The following CSTF3 variants were observed in gnomAD, a reference collection of about 807,000 sequenced individuals.
CSTF3 encodes the protein cleavage stimulation factor subunit 3.
CSTF3 carries 29 observed loss-of-function variants against 105.8 expected under a neutral mutation model. That is an observed-to-expected ratio of 0.27 (90% CI 0.20 to 0.37). The LOEUF is 0.37. Among genes scored for constraint, CSTF3 ranks in the 10% least tolerant of loss-of-function variants. The pLI, the probability that CSTF3 is intolerant of heterozygous loss-of-function variation, is 1.00. For synonymous variants in CSTF3, 252 were observed against 281.9 expected (o/e 0.89, Z 1.06); for missense variants, 357 against 879.3 (o/e 0.41, Z 7.51).
chr11:33,085,133 G>A lies in CSTF3; in HGVS notation c.2108C>T (p.Pro703Leu). 6.2e-7 allele frequency: 1 copy of A among 1,614,088 alleles called. No homozygotes were observed. Among genetic ancestry groups the A allele is most frequent in the Non-Finnish European group, 8.5e-7 (1 of 1,179,996 alleles). Residue 703 changes from proline (P) to leucine (L), a missense_variant, in exon 21 of 21, where the codon CCT becomes CTT. By Grantham distance (98) the Pro-to-Leu change is moderately conservative. Transcript: ENST00000323959. ...EDEEKGAVVP[P>L]VHDIYRARQQ... ...CCGTGCTCTGTAAATGTCATGAACA[G>A]GGGGGACAACGGCTCCCTTTTCTTC...
intron 3 of CSTF3, among the ~76,000 whole-genome samples, chr11:33,132,776 T>G (rs951313861): frequency 6.6e-5 from 10 of 152,234 alleles, no homozygotes; most frequent in Non-Finnish European, 1.5e-5. Flanking sequence ...ATGTAGCATT[T>G]GCAAATGATC....
chr11:33,085,013 TTG>T lies in CSTF3; in HGVS notation c.*72_*73del. The T allele has an allele frequency of 1.3e-6, 2 of 1,487,278 alleles. No homozygotes were observed. Among genetic ancestry groups the T allele is most frequent in the Non-Finnish European group, 1.9e-6 (2 of 1,067,298 alleles). 92.1% of individuals were successfully genotyped at this position (1,487,278 alleles called of 1,614,324 possible). A position where few individuals can be genotyped will look rare whatever the true frequency, so the allele number is the denominator to read the frequency against. On this transcript the variant is annotated 3_prime_UTR_variant, in exon 21 of 21. Coordinates refer to ENST00000323959, the MANE Select transcript of CSTF3 (RefSeq NM_001326.3). The stretch of plus-strand genomic sequence containing the variant: ...TTTCCAAGAACCTTGTAACAAAGCG[TTG>T]TCTCTTTTAAACATACCACTTGAGG...
chr11:33,091,257 A>G (rs1590261746), intron 16 of CSTF3, among the ~76,000 whole-genome samples: 1 of 152,240 alleles, frequency 6.6e-6, no homozygotes, highest in African/African-American at 2.4e-5. Context: ...ATTAACGTGG[A>G]TCACTGGGGA....
At chr11:33,152,688 C>T (rs1286245689) in intron 1 of CSTF3, among the ~76,000 whole-genome samples, 2 of 152,144 alleles carry the variant, frequency 1.3e-5, no homozygotes, top group Non-Finnish European at 2.9e-5. Flanking sequence ...GGGCCGGGCG[C>T]GGTGACTCAC....
chr11:33,107,009 G>T (rs1855333924), intron 5 of CSTF3, among the ~76,000 whole-genome samples: 2 of 151,828 alleles, frequency 1.3e-5, no homozygotes, highest in Non-Finnish European at 2.9e-5. Context: ...GGTGGTTTAT[G>T]CCTGTAATTC....
intron 3 of CSTF3, among the ~76,000 whole-genome samples, chr11:33,131,568 C>T (rs748689374): frequency 1.4e-4 from 22 of 151,996 alleles, no homozygotes; most frequent in Non-Finnish European, 2.5e-4. Context: ...TTGAACAGGC[C>T]GGGTGCGGTG....
intron 9 of CSTF3, among the ~76,000 whole-genome samples, 176 bp downstream of exon 9, chr11:33,102,931 T>A (rs1360330002): frequency 6.6e-6 from 1 of 152,222 alleles, no homozygotes; most frequent in Admixed American, 6.5e-5. Context: ...TTATTATATT[T>A]TGTTCTTACA....
intron 1 of CSTF3, among the ~76,000 whole-genome samples, chr11:33,143,127 T>C (rs1174114310): frequency 6.6e-6 from 1 of 152,104 alleles, no homozygotes; most frequent in African/African-American, 2.4e-5. Flanking sequence ...AAAAACACAA[T>C]TCACAATTGT....
At chr11:33,145,674 C>A (rs1427094664) in intron 1 of CSTF3, among the ~76,000 whole-genome samples, 2 of 151,780 alleles carry the variant, frequency 1.3e-5, no homozygotes, top group Non-Finnish European at 2.9e-5. Context: ...ATTAGCTGGG[C>A]GTGGTGGTGG....
At chr11:33,097,558 G>A (rs148252261) in intron 13 of CSTF3, among the ~76,000 whole-genome samples, 4,129 of 152,156 alleles carry the variant, frequency 0.027, 79 homozygotes, top group Non-Finnish European at 0.043. Context: ...TAGTAGAGAT[G>A]GGGTTTCACC....
At chr11:33,098,376 G>A (rs1272761108) in intron 13 of CSTF3, among the ~76,000 whole-genome samples, 5 of 152,196 alleles carry the variant, frequency 3.3e-5, no homozygotes, top group African/African-American at 1.2e-4. Flanking sequence ...AAGTGTTAGA[G>A]AAAGTGCCTC....
chr11:33,113,244 A>G (rs1758335908), intron 3 of CSTF3, among the ~76,000 whole-genome samples: 1 of 150,262 alleles, frequency 6.7e-6, no homozygotes, highest in South Asian at 2.1e-4. Context: ...TAAATAAATA[A>G]ATGAATAAGA....
intron 1 of CSTF3, among the ~76,000 whole-genome samples, chr11:33,153,274 A>C (rs1432388700): frequency 6.6e-6 from 1 of 152,144 alleles, no homozygotes; most frequent in African/African-American, 2.4e-5. Context: ...ACGTAGTTGG[A>C]AAAGGGAGGA....
At chr11:33,091,232 ACG>A (rs1288184422) in intron 16 of CSTF3, among the ~76,000 whole-genome samples, 1 of 152,244 alleles carries the variant, frequency 6.6e-6, no homozygotes, top group African/African-American at 2.4e-5. Flanking sequence ...TAATATGATT[ACG>A]CTATTGTTTC....
At chr11:33,130,999 C>T (rs1287356983) in intron 3 of CSTF3, among the ~76,000 whole-genome samples, 4 of 152,108 alleles carry the variant, frequency 2.6e-5, no homozygotes, top group Non-Finnish European at 5.9e-5. Flanking sequence ...TACTGCATTC[C>T]AGCCTGGGCA....
intron 9 of CSTF3, among the ~76,000 whole-genome samples, chr11:33,102,797 C>T (rs78794475): frequency 1.3e-5 from 2 of 152,244 alleles, no homozygotes; most frequent in East Asian, 3.9e-4. Flanking sequence ...CAGAGTAATA[C>T]AATATTCAGA....
intron 3 of CSTF3, among the ~76,000 whole-genome samples, chr11:33,111,425 T>C (rs1346976402): frequency 6.6e-6 from 1 of 152,056 alleles, no homozygotes; most frequent in African/African-American, 2.4e-5. Context: ...TGCCACAAGA[T>C]CTTATTGAAT....
chr11:33,117,662 A>AATATATAT, intron 3 of CSTF3, among the ~76,000 whole-genome samples: 1 of 149,660 alleles, frequency 6.7e-6, no homozygotes, highest in East Asian at 2.0e-4. Flanking sequence ...CTCTCAGCAC[A>AATATATAT]ATATATATAT....
At chr11:33,106,652 ATAAAT>A (rs566776248) in intron 5 of CSTF3, among the ~76,000 whole-genome samples, 11 of 152,290 alleles carry the variant, frequency 7.2e-5, no homozygotes, top group Admixed American at 3.3e-4. Flanking sequence ...CTCTATAAAC[ATAAAT>A]TAAAGACATC....
Sources: gnomAD v4.1 joint callset for allele counts (sites outside exome capture counted in the v4.1 genomes callset) on GRCh38, gnomAD v4.1.1 for gene constraint, MANE v1.5 for transcripts, NCBI Gene and HGNC (gene_info 2026-07-23, HGNC 2026-07-21) for gene names.